Variants in BEND4 observed in about 807,000 individuals in gnomAD.
The protein encoded by BEND4 is BEN domain-containing protein 4.
In BEND4, 27 loss-of-function variants were observed where a neutral mutation model predicts 54.7. That is an observed-to-expected ratio of 0.49 (90% CI 0.36 to 0.68). The LOEUF (loss-of-function observed/expected upper bound fraction) is 0.68, where lower values mean the gene tolerates loss of function less well. Ranked by LOEUF, BEND4 falls within the 30% of genes least tolerant of loss-of-function variation. The pLI, the probability that BEND4 is intolerant of heterozygous loss-of-function variation, is 0.00. For synonymous variants in BEND4, 327 were observed against 299.5 expected, an observed-to-expected ratio of 1.09 and a Z score of -0.95; for missense variants, 702 against 697.2, an observed-to-expected ratio of 1.01 and a Z score of -0.08.
chr4:42,145,759 C>A (rs573550955), intron 2 of BEND4, among the ~76,000 whole-genome samples: 13 of 151,886 alleles, frequency 8.6e-5, no homozygotes, highest in African/African-American at 3.1e-4. Context: ...AGGAAGCATG[C>A]CTTACATCTC....
chr4:42,130,552 G>C (rs1720470352), intron 3 of BEND4, among the ~76,000 whole-genome samples: 1 of 150,420 alleles, frequency 6.6e-6, no homozygotes, highest in African/African-American at 2.5e-5. Flanking sequence ...TTATTAAAAA[G>C]TCAAGAAACA....
At chr4:42,129,310 T>C (rs942462681) in intron 3 of BEND4, among the ~76,000 whole-genome samples, 1 of 152,190 alleles carries the variant, frequency 6.6e-6, no homozygotes, top group African/African-American at 2.4e-5. Context: ...TCCATGCTCA[T>C]GGATAGGAAG....
rs564444184 is a variant in BEND4, at chr4:42,124,720, T to C, written c.1146+863A>G. ...AGAAGATAACGAATATAGACCAGCTTTTCAAATGTTTAATCATTAGAAAAA... is the reference window on the plus strand; with the variant it reads ...AGAAGATAACGAATATAGACCAGCTCTTCAAATGTTTAATCATTAGAAAAA... On this transcript the variant is annotated intron_variant, in intron 4 of 5. Coordinates refer to ENST00000502486, the MANE Select transcript of BEND4 (RefSeq NM_207406.4). 2.0e-5 allele frequency among the ~76,000 whole-genome samples: 3 copies of C among 152,306 alleles called. No homozygotes were observed. The South Asian group carries it at 6.2e-4, about 32-fold the overall frequency.
intron 3 of BEND4, among the ~76,000 whole-genome samples, chr4:42,142,961 C>CA (rs1202522697): frequency 6.6e-6 from 1 of 152,160 alleles, no homozygotes; most frequent in Non-Finnish European, 1.5e-5. Context: ...TCCTGCCTCT[C>CA]AAAGTATTTC....
intron 3 of BEND4, among the ~76,000 whole-genome samples, chr4:42,128,480 C>T (rs896647413): frequency 4.6e-5 from 7 of 151,854 alleles, no homozygotes; most frequent in East Asian, 1.9e-4. Flanking sequence ...AAAAATTAGC[C>T]GGGTGTGGTG....
intron 3 of BEND4, among the ~76,000 whole-genome samples, chr4:42,132,143 A>G (rs774800230): frequency 6.6e-6 from 1 of 152,252 alleles, no homozygotes; most frequent in African/African-American, 2.4e-5. Context: ...CTGAAAAGGA[A>G]ATTGTGGAAA....
intron 3 of BEND4, among the ~76,000 whole-genome samples, chr4:42,126,487 T>G (rs1396373250): frequency 6.6e-6 from 1 of 152,246 alleles, no homozygotes; most frequent in Non-Finnish European, 1.5e-5. Flanking sequence ...CTTCCCTAAG[T>G]GTCCCAAAAA....
chr4:42,119,432 C>T (rs894511565), intron 5 of BEND4, among the ~76,000 whole-genome samples: 1 of 152,140 alleles, frequency 6.6e-6, no homozygotes, highest in African/African-American at 2.4e-5. Context: ...TGGATACCTC[C>T]TGATTCCTCC....
chr4:42,143,356 A>C, intron 3 of BEND4, 72 bp downstream of exon 3: 1 of 1,316,956 alleles, frequency 7.6e-7, no homozygotes, highest in Non-Finnish European at 1.1e-6. Context: ...TGAGTACAGA[A>C]ATACACAGAC....
intron 3 of BEND4, among the ~76,000 whole-genome samples, chr4:42,140,101 CA>C (rs554086305): frequency 2.0e-4 from 31 of 152,290 alleles, no homozygotes; most frequent in Non-Finnish European, 3.5e-4. Flanking sequence ...GGCAAGAGGG[CA>C]GTGACTTCTC....
intron 3 of BEND4, among the ~76,000 whole-genome samples, chr4:42,127,551 G>A (rs1342383751): frequency 6.6e-6 from 1 of 152,184 alleles, no homozygotes; most frequent in Non-Finnish European, 1.5e-5. Context: ...CCTAAGTCTT[G>A]AGAAACAAAT....
chr4:42,123,719 A>T (rs1479622189), intron 4 of BEND4, among the ~76,000 whole-genome samples: 4 of 139,210 alleles, frequency 2.9e-5, no homozygotes, highest in Middle Eastern at 3.6e-3. Context: ...AAAAAAAAAC[A>T]ACTTTCCAGG....
chr4:42,120,364 C>G lies in BEND4; in HGVS notation c.1147-70G>C, dbSNP rs1243948797. 5 of 1,541,758 alleles carry G rather than the reference C, an allele frequency of 3.2e-6. No homozygotes were observed. The East Asian group carries it at 1.1e-4, about 35-fold the overall frequency. Reference sequence around the variant, plus strand: ...CCAGAAGCAGAAGTGATCTCCATTTCAAAGGCAAACATGCTTTTTTTAACC... The same window carrying G: ...CCAGAAGCAGAAGTGATCTCCATTTGAAAGGCAAACATGCTTTTTTTAACC... On this transcript the variant is annotated intron_variant, in intron 4 of 5. Transcript: ENST00000502486.
At position 42,143,658 on chromosome 4, in the gene BEND4, T is replaced by G. The variant is rs1193856877; in HGVS notation, c.824A>C (p.His275Pro). 6.2e-7 allele frequency: 1 copy of G among 1,614,014 alleles called. No homozygotes were observed. The highest frequency in any genetic ancestry group is 1.7e-5 in the Admixed American group (1 of 60,026). Residue 275 changes from histidine to proline, a missense_variant, in exon 3 of 6, where the codon CAT becomes CCT. By Grantham distance (77) the His-to-Pro change is moderately conservative. Coordinates refer to ENST00000502486, the MANE Select transcript of BEND4 (RefSeq NM_207406.4). ...PNPSSASEYG[H>P]LADVDPLSTS... ...TGACAGAGGATCCACGTCGGCCAGA[T>G]GGCCATATTCACTGGCTGACGAGGG...
rs1719635056 is a variant in BEND4 at position 42,112,974 on chromosome 4, G to A, written c.*4544C>T. On this transcript the variant is annotated 3_prime_UTR_variant, in exon 6 of 6. Coordinates refer to ENST00000502486, the MANE Select transcript of BEND4 (RefSeq NM_207406.4). ...CAACTGAAGTGGTTATTTTTATCCA[G>A]CACTTACATGACTGAAAGCAGCCAT... 1 of 152,142 alleles carries A rather than the reference G, an allele frequency of 6.6e-6. No homozygotes were observed. The highest frequency in any genetic ancestry group is 2.1e-4 in the South Asian group (1 of 4,828). 9.4% of individuals were successfully genotyped at this position (152,142 alleles called of 1,614,324 possible). A position where few individuals can be genotyped will look rare whatever the true frequency, so the allele number is the denominator to read the frequency against.
intron 4 of BEND4, among the ~76,000 whole-genome samples, chr4:42,120,713 G>A (rs1720022527): frequency 6.6e-6 from 1 of 152,100 alleles, no homozygotes; most frequent in Non-Finnish European, 1.5e-5. Context: ...TAGAAATGAT[G>A]CTGGTGATCT....
At chr4:42,142,533 TG>T (rs1720924785) in intron 3 of BEND4, among the ~76,000 whole-genome samples, 1 of 150,222 alleles carries the variant, frequency 6.7e-6, no homozygotes, top group Non-Finnish European at 1.5e-5. Flanking sequence ...CTCGGGAGGC[TG>T]AGGCACAAGA....
intron 3 of BEND4, among the ~76,000 whole-genome samples, chr4:42,127,454 G>A (rs936165462): frequency 6.6e-6 from 1 of 152,190 alleles, no homozygotes; most frequent in African/African-American, 2.4e-5. Context: ...AATTTCACCA[G>A]CTTCTTAAAA....
rs187366202 is a variant in BEND4, at chr4:42,117,528, G to A, written c.1595C>T (p.Ser532Phe). Residue 532 changes from serine to phenylalanine, a missense_variant, in exon 6 of 6, where the codon TCT (serine) becomes TTT (phenylalanine). Coordinates refer to ENST00000502486, the MANE Select transcript of BEND4 (RefSeq NM_207406.4). ...EVFNKSSQDGSGD is the reference protein window; with the variant it reads ...EVFNKSSQDGFGD Reference sequence around the variant, plus strand: ...GGAAGATTCTGTCCACTAATCCCCAGATCCATCCTGGGAACTTTTATTGAA... The same window carrying A: ...GGAAGATTCTGTCCACTAATCCCCAAATCCATCCTGGGAACTTTTATTGAA... The A allele has an allele frequency of 1.9e-6, 3 of 1,609,410 alleles. No individual in the cohort carries two copies. In the Admixed American group the frequency reaches 5.0e-5, roughly 27 times the overall value.
Sources: allele counts gnomAD v4.1 joint callset (sites outside exome capture counted in the v4.1 genomes callset), GRCh38; gene constraint gnomAD v4.1.1; transcripts MANE v1.5; gene names NCBI Gene and HGNC (gene_info 2026-07-23, HGNC 2026-07-21).